The following GARRE1 variants were observed in gnomAD, a reference collection of about 807,000 sequenced individuals.
GARRE1 encodes the protein granule associated Rac and RHOG effector 1.
GARRE1 carries 49 observed loss-of-function variants against 103.2 expected under a neutral mutation model. The observed-to-expected ratio is 0.47, with a 90% CI of 0.38 to 0.60. GARRE1 has a LOEUF of 0.60. Among genes scored for constraint, GARRE1 ranks in the 20% least tolerant of loss-of-function variants. The pLI, the probability that GARRE1 is intolerant of heterozygous loss-of-function variation, is 0.00. For synonymous variants in GARRE1, 505 were observed against 532.8 expected, an observed-to-expected ratio of 0.95 and a Z score of 0.72; for missense variants, 1,199 against 1,370.5, an observed-to-expected ratio of 0.87 and a Z score of 1.98.
rs1415562754 is a variant in GARRE1, at chr19:34,333,624, A to G, written c.1264-80A>G. 6.0e-6 allele frequency: 5 copies of G among 836,922 alleles called. No homozygotes were observed. In the East Asian group the frequency reaches 9.9e-5, roughly 17 times the overall value. The allele number at this position is 836,922 out of a possible 1,614,324, so 51.8% of individuals were successfully genotyped here. ...GGAATAGTTCTTAGAGAGTCATTTTATGTATTGGATTTTATTCTGATTTGT... is the reference window on the plus strand; with the variant it reads ...GGAATAGTTCTTAGAGAGTCATTTTGTGTATTGGATTTTATTCTGATTTGT... On this transcript the variant is annotated intron_variant, in intron 7 of 13. Coordinates refer to ENST00000299505, the MANE Select transcript of GARRE1 (RefSeq NM_014686.5).
rs1301487256 is a variant in GARRE1, at chr19:34,349,069, G to A, written c.2741G>A (p.Ser914Asn). 2 of 1,612,798 alleles carry A rather than the reference G, an allele frequency of 1.2e-6. No individual in the cohort carries two copies. Among genetic ancestry groups the A allele is most frequent in the South Asian group, 1.1e-5 (1 of 91,086 alleles). ...SGAQGDSASSSDETSSANGDS... is the reference protein window; with the variant it reads ...SGAQGDSASSNDETSSANGDS... ...GCTCAGGGAGACTCTGCCAGCTCGA[G>A]TGATGAGACATCCTCAGCCAACGGG... Residue 914 changes from serine (S) to asparagine (N), a missense_variant, in exon 12 of 14, where the codon AGT (serine) becomes AAT (asparagine). Coordinates refer to ENST00000299505, the MANE Select transcript of GARRE1 (RefSeq NM_014686.5).
rs749300047 is a variant in GARRE1 at position 34,341,783 on chromosome 19, G to A, written c.1849G>A (p.Gly617Ser). 1 of 1,614,186 alleles carries A rather than the reference G, an allele frequency of 6.2e-7. No homozygotes were observed. Among genetic ancestry groups the A allele is most frequent in the Non-Finnish European group, 8.5e-7 (1 of 1,180,032 alleles). ...AQNSSNTVAN[G>S]FLMERRENFL... ...GAATTCCAGTAATACAGTGGCCAAT[G>A]GCTTTCTCATGGAGAGGCGTGAGAA... Residue 617 changes from glycine to serine, a missense_variant, in exon 10 of 14, where the codon GGC becomes AGC. By Grantham distance (56) the Gly-to-Ser change is moderately conservative. Coordinates refer to ENST00000299505, the MANE Select transcript of GARRE1 (RefSeq NM_014686.5).
chr19:34,354,240 T>G lies in GARRE1; in HGVS notation c.*1285T>G, dbSNP rs1257816992. On this transcript the variant is annotated 3_prime_UTR_variant, in exon 14 of 14. Transcript: ENST00000299505. ...ATTTTTTTTATATTTTCTTAAATCA[T>G]TAAACCATTTTAATATATGTTAACT... 6.6e-6 allele frequency: 1 copy of G among 152,252 alleles called. No individual in the cohort carries two copies. Among genetic ancestry groups the G allele is most frequent in the African/African-American group, 2.4e-5 (1 of 41,456 alleles). The allele number at this position is 152,252 out of a possible 1,614,324, so 9.4% of individuals were successfully genotyped here.
intron 1 of GARRE1, among the ~76,000 whole-genome samples, chr19:34,275,508 T>C (rs993728701): frequency 6.6e-6 from 1 of 152,174 alleles, no homozygotes; most frequent in Non-Finnish European, 1.5e-5. Flanking sequence ...GGGTCTGGTT[T>C]CTTTCACTTA....
At position 34,339,922 on chromosome 19, in the gene GARRE1, G is replaced by C; in HGVS notation, c.1417G>C (p.Glu473Gln). 6.2e-7 allele frequency: 1 copy of C among 1,614,030 alleles called. No individual in the cohort carries two copies. Among genetic ancestry groups the C allele is most frequent in the Non-Finnish European group, 8.5e-7 (1 of 1,179,990 alleles). ...MSLLQRSLDPEKTLGLVDVLY... is the reference protein window; with the variant it reads ...MSLLQRSLDPQKTLGLVDVLY... ...CCTGCTGCAGAGAAGCCTTGATCCT[G>C]AGAAGACCCTGGGTCTAGTGGACGT... The change falls in exon 9 of 14, where the codon GAG (glutamate) becomes CAG (glutamine). Residue 473 changes from glutamate (E) to glutamine (Q), a missense_variant. Glu to Gln is a conservative substitution (Grantham distance 29). Coordinates refer to ENST00000299505, the MANE Select transcript of GARRE1 (RefSeq NM_014686.5).
chr19:34,280,563 AG>A (rs970087687), intron 1 of GARRE1, among the ~76,000 whole-genome samples: 19 of 152,194 alleles, frequency 1.2e-4, no homozygotes, highest in African/African-American at 4.6e-4. Context: ...TTTGAAGTCC[AG>A]TTTATCTGTT....
chr19:34,275,219 T>C (rs2073810178), intron 1 of GARRE1, among the ~76,000 whole-genome samples: 1 of 152,092 alleles, frequency 6.6e-6, no homozygotes. Context: ...GATTCATCTT[T>C]ATATTTTTTG....
chr19:34,277,804 A>C (rs1333279670), intron 1 of GARRE1, among the ~76,000 whole-genome samples: 1 of 151,602 alleles, frequency 6.6e-6, no homozygotes, highest in Non-Finnish European at 1.5e-5. Flanking sequence ...TTTCTTCTTT[A>C]TTTATTGGCT....
chr19:34,282,102 C>T (rs540560441), intron 1 of GARRE1, among the ~76,000 whole-genome samples: 54 of 152,178 alleles, frequency 3.5e-4, no homozygotes, highest in African/African-American at 1.3e-3. Context: ...TTCTTATTTC[C>T]AAGAATTCAT....
intron 1 of GARRE1, among the ~76,000 whole-genome samples, chr19:34,290,470 G>A (rs749816394): frequency 1.3e-5 from 2 of 152,102 alleles, no homozygotes; most frequent in Non-Finnish European, 2.9e-5. Flanking sequence ...CTGCAGTTTG[G>A]CAAAATCATC....
chr19:34,317,582 G>C (rs540472764), intron 2 of GARRE1, among the ~76,000 whole-genome samples: 3 of 152,204 alleles, frequency 2.0e-5, no homozygotes, highest in Non-Finnish European at 2.9e-5. Context: ...TTAAGGTGGA[G>C]TTCCTGTCAC....
chr19:34,319,158 T>C (rs575889084), intron 2 of GARRE1, among the ~76,000 whole-genome samples: 1 of 152,336 alleles, frequency 6.6e-6, no homozygotes, highest in East Asian at 1.9e-4. Context: ...CACAATCATA[T>C]CTGAAAATGT....
intron 10 of GARRE1, among the ~76,000 whole-genome samples, chr19:34,346,288 C>G (rs560154694): frequency 1.3e-5 from 2 of 152,110 alleles, no homozygotes; most frequent in Non-Finnish European, 2.9e-5. Context: ...TTTCTGTAAA[C>G]GCCATCTGTG....
chr19:34,275,491 G>A (rs1568525792), intron 1 of GARRE1, among the ~76,000 whole-genome samples: 1 of 151,922 alleles, frequency 6.6e-6, no homozygotes, highest in Non-Finnish European at 1.5e-5. Flanking sequence ...CATATTAAGG[G>A]AACTTTGGGT....
chr19:34,277,708 T>G (rs1056778673), intron 1 of GARRE1, among the ~76,000 whole-genome samples: 9 of 152,160 alleles, frequency 5.9e-5, no homozygotes, highest in African/African-American at 2.2e-4. Context: ...TCCATCAAGT[T>G]TCACCAAATC....
intron 3 of GARRE1, among the ~76,000 whole-genome samples, chr19:34,320,709 GTTTTTC>G (rs926590558): frequency 3.3e-5 from 5 of 151,328 alleles, no homozygotes; most frequent in African/African-American, 1.2e-4. Context: ...AATTCTTTAA[GTTTTTC>G]TTTTTCTTTT....
intron 1 of GARRE1, among the ~76,000 whole-genome samples, chr19:34,284,212 C>T (rs759763640): frequency 6.7e-6 from 1 of 148,890 alleles, no homozygotes; most frequent in East Asian, 2.0e-4. Context: ...CTTACTGCAA[C>T]CTCCACCTCC....
At chr19:34,269,479 G>T (rs769380936) in intron 1 of GARRE1, among the ~76,000 whole-genome samples, 3 of 152,118 alleles carry the variant, frequency 2.0e-5, no homozygotes, top group Non-Finnish European at 2.9e-5. Context: ...CTCAGTATAG[G>T]ATAACATGGG....
intron 3 of GARRE1, among the ~76,000 whole-genome samples, chr19:34,326,773 G>GTA (rs966101038): frequency 6.6e-6 from 1 of 151,354 alleles, no homozygotes; most frequent in Admixed American, 6.6e-5. Context: ...AAATGTCTGA[G>GTA]TATATACACA....
Sources: allele counts gnomAD v4.1 joint callset (sites outside exome capture counted in the v4.1 genomes callset), GRCh38; gene constraint gnomAD v4.1.1; transcripts MANE v1.5; gene names NCBI Gene and HGNC (gene_info 2026-07-23, HGNC 2026-07-21).